The following BRINP1 variants were observed in gnomAD, a reference collection of about 807,000 sequenced individuals.
The protein encoded by BRINP1 is BMP/retinoic acid inducible neural specific 1.
In BRINP1, 17 loss-of-function variants were observed where a neutral mutation model predicts 72.9. The observed-to-expected ratio is 0.23, with a 90% CI of 0.16 to 0.35. The LOEUF (loss-of-function observed/expected upper bound fraction) is 0.35. Ranked by LOEUF, BRINP1 falls within the 10% of genes least tolerant of loss-of-function variation. The pLI, the probability that BRINP1 is intolerant of heterozygous loss-of-function variation, is 1.00. For synonymous variants in BRINP1, 418 were observed against 378.5 expected (o/e 1.10, Z -1.21); for missense variants, 850 against 1,001.6 (o/e 0.85, Z 2.04).
At chr9:119,198,975 GA>G (rs1829775871) in intron 7 of BRINP1, among the ~76,000 whole-genome samples, 1 of 152,016 alleles carries the variant, frequency 6.6e-6, no homozygotes, top group Admixed American at 6.6e-5. Flanking sequence ...GCCCAGCCTT[GA>G]ATATATTAAC....
intron 2 of BRINP1, among the ~76,000 whole-genome samples, chr9:119,263,831 A>G (rs752072431): frequency 5.3e-5 from 8 of 151,884 alleles, no homozygotes; most frequent in Non-Finnish European, 7.4e-5. Context: ...GATGGTCTCG[A>G]TCTCCTGACC....
At chr9:119,281,802 G>GT (rs1272038382) in intron 2 of BRINP1, among the ~76,000 whole-genome samples, 3 of 152,072 alleles carry the variant, frequency 2.0e-5, no homozygotes, top group Non-Finnish European at 2.9e-5. Context: ...ATATATCATG[G>GT]TTTTTTTCCA....
At chr9:119,281,570 G>A (rs929549945) in intron 2 of BRINP1, among the ~76,000 whole-genome samples, 4 of 152,160 alleles carry the variant, frequency 2.6e-5, no homozygotes, top group Non-Finnish European at 5.9e-5. Flanking sequence ...GTGAGAACAA[G>A]TCAGCATTGT....
intron 7 of BRINP1, among the ~76,000 whole-genome samples, chr9:119,202,729 G>T (rs183629754): frequency 1.9e-3 from 283 of 152,180 alleles, no homozygotes; most frequent in Non-Finnish European, 2.4e-3. Context: ...TCCTCAAACA[G>T]AACCTAATAT....
intron 1 of BRINP1, among the ~76,000 whole-genome samples, chr9:119,361,163 T>G (rs1160339741): frequency 1.3e-5 from 2 of 152,170 alleles, no homozygotes; most frequent in African/African-American, 4.8e-5. Flanking sequence ...ATACCCAGTC[T>G]CATTCAGTCT....
intron 1 of BRINP1, among the ~76,000 whole-genome samples, chr9:119,347,722 T>C (rs961281955): frequency 6.6e-6 from 1 of 152,148 alleles, no homozygotes; most frequent in Non-Finnish European, 1.5e-5. Flanking sequence ...TTTTACCCCA[T>C]GGCCACTTTC....
At chr9:119,186,511 C>T (rs1266976919) in intron 7 of BRINP1, among the ~76,000 whole-genome samples, 1 of 152,160 alleles carries the variant, frequency 6.6e-6, no homozygotes, top group Non-Finnish European at 1.5e-5. Context: ...CATGCCCAAG[C>T]TGGCAGAGCA....
intron 1 of BRINP1, among the ~76,000 whole-genome samples, chr9:119,318,870 T>C (rs898827613): frequency 6.6e-6 from 1 of 151,740 alleles, no homozygotes; most frequent in South Asian, 2.1e-4. Context: ...TGTGTGTGTG[T>C]GTGTGTGTGT....
intron 2 of BRINP1, among the ~76,000 whole-genome samples, chr9:119,249,616 T>C (rs996881229): frequency 6.6e-6 from 1 of 152,096 alleles, no homozygotes; most frequent in Admixed American, 6.5e-5. Context: ...TTATTATCCA[T>C]TTCTGATACC....
chr9:119,314,929 T>C (rs907611946), intron 1 of BRINP1, among the ~76,000 whole-genome samples: 4 of 152,226 alleles, frequency 2.6e-5, no homozygotes, highest in Non-Finnish European at 5.9e-5. Context: ...ATGTCGATAC[T>C]GATGTCAACT....
intron 5 of BRINP1, among the ~76,000 whole-genome samples, chr9:119,231,323 T>C (rs1393515278): frequency 1.3e-5 from 2 of 152,024 alleles, no homozygotes; most frequent in Non-Finnish European, 2.9e-5. Flanking sequence ...ATAATTCCAG[T>C]TATGCACAAG....
chr9:119,189,696 A>G (rs1829663455), intron 7 of BRINP1, among the ~76,000 whole-genome samples: 1 of 152,142 alleles, frequency 6.6e-6, no homozygotes, highest in South Asian at 2.1e-4. Flanking sequence ...ACCTGAAGGA[A>G]TAAATAAATA....
In BRINP1 at chr9:119,354,842, A is replaced by G. The variant is rs566592132; in HGVS notation, c.-51+14214T>C. ...TATGATCATATCACTGCACTCCAGCATGGGCAACAGAGTGAGACCCTGTCT... is the reference window on the plus strand; with the variant it reads ...TATGATCATATCACTGCACTCCAGCGTGGGCAACAGAGTGAGACCCTGTCT... On this transcript the variant is annotated intron_variant, in intron 1 of 7. Coordinates refer to ENST00000265922, the MANE Select transcript of BRINP1 (RefSeq NM_014618.3). Among the ~76,000 whole-genome samples the G allele has an allele frequency of 5.3e-5, 8 of 152,292 alleles. No homozygotes were observed. In the East Asian group the frequency reaches 1.5e-3, roughly 29 times the overall value.
chr9:119,301,416 G>GACA (rs1366320529), intron 2 of BRINP1, among the ~76,000 whole-genome samples: 1 of 152,134 alleles, frequency 6.6e-6, no homozygotes, highest in Non-Finnish European at 1.5e-5. Flanking sequence ...TTTCCTTAAA[G>GACA]TATCTCAGGT....
At chr9:119,333,515 A>G (rs530022046) in intron 1 of BRINP1, among the ~76,000 whole-genome samples, 2 of 152,046 alleles carry the variant, frequency 1.3e-5, no homozygotes, top group African/African-American at 4.8e-5. Context: ...CTTCAAATAA[A>G]AAAAAATAAA....
chr9:119,282,825 A>C, intron 2 of BRINP1: 1 of 985,348 alleles, frequency 1.0e-6, no homozygotes, highest in Non-Finnish European at 1.2e-6. Flanking sequence ...GGAGAGTAAT[A>C]GCTGGTCACA....
At chr9:119,258,751 G>A (rs1213749649) in intron 2 of BRINP1, among the ~76,000 whole-genome samples, 3 of 152,112 alleles carry the variant, frequency 2.0e-5, no homozygotes, top group Admixed American at 6.5e-5. Context: ...ACTTTGTGGG[G>A]TCTGTCATGC....
At chr9:119,249,248 G>T in intron 2 of BRINP1, 98 bp from the exon 3 acceptor site, 1 of 1,142,192 alleles carries the variant, frequency 8.8e-7, no homozygotes, top group Non-Finnish European at 1.2e-6. Flanking sequence ...CCTTAAGTGG[G>T]AAAGTGCCTA....
intron 1 of BRINP1, among the ~76,000 whole-genome samples, chr9:119,332,233 T>C (rs1831306612): frequency 6.6e-6 from 1 of 152,312 alleles, no homozygotes; most frequent in Middle Eastern, 3.4e-3. Flanking sequence ...ACTCTGTATA[T>C]AACCATTCTA....
Sources: allele counts gnomAD v4.1 joint callset (sites outside exome capture counted in the v4.1 genomes callset), GRCh38; gene constraint gnomAD v4.1.1; transcripts MANE v1.5; gene names NCBI Gene and HGNC (gene_info 2026-07-23, HGNC 2026-07-21).